The following LRP1B variants were observed in gnomAD, a reference collection of about 807,000 sequenced individuals.
The protein encoded by LRP1B is low-density lipoprotein receptor-related protein 1B.
LRP1B carries 217 observed loss-of-function variants against 556.6 expected under a neutral mutation model. The observed-to-expected ratio is 0.39, with a 90% CI of 0.35 to 0.44. The LOEUF is 0.44. Among genes scored for constraint, LRP1B ranks in the 20% least tolerant of loss-of-function variants. The pLI is 1.00. For synonymous variants in LRP1B, 2,047 were observed against 1,865.8 expected, an observed-to-expected ratio of 1.10 and a Z score of -2.50; for missense variants, 5,053 against 5,620.8, an observed-to-expected ratio of 0.90 and a Z score of 3.23.
chr2:140,992,695 G>T (rs1431567349), intron 16 of LRP1B: 1 of 152,064 alleles, frequency 6.6e-6, no homozygotes, highest in Non-Finnish European at 1.5e-5. Context: ...CTGATTGTGA[G>T]TCAAGAAGTG....
intron 41 of LRP1B, among the ~76,000 whole-genome samples, chr2:140,617,604 GA>G (rs1161841095): frequency 6.6e-6 from 1 of 151,890 alleles, no homozygotes; most frequent in African/African-American, 2.4e-5. Context: ...TAAAATTTCA[GA>G]TAAGGATAAA....
At chr2:140,355,464 A>G (rs1682167264) in intron 75 of LRP1B, among the ~76,000 whole-genome samples, 1 of 152,020 alleles carries the variant, frequency 6.6e-6, no homozygotes, top group Admixed American at 6.6e-5. Context: ...GTAGATAAAC[A>G]TGACGTGACT....
At chr2:140,473,212 G>A (rs749959791) in intron 60 of LRP1B, among the ~76,000 whole-genome samples, 10 of 151,878 alleles carry the variant, frequency 6.6e-5, no homozygotes, top group South Asian at 4.1e-4. Flanking sequence ...ATTGGCCTGC[G>A]CTCAGATATT....
At chr2:142,057,435 T>C (rs1165228272) in intron 1 of LRP1B, among the ~76,000 whole-genome samples, 2 of 151,968 alleles carry the variant, frequency 1.3e-5, no homozygotes, top group East Asian at 1.9e-4. Flanking sequence ...CAGGGTGAGG[T>C]TGTCAAATAT....
chr2:141,200,512 G>A (rs1192886561), intron 6 of LRP1B, among the ~76,000 whole-genome samples: 1 of 152,086 alleles, frequency 6.6e-6, no homozygotes, highest in African/African-American at 2.4e-5. Context: ...ATATAGTCAT[G>A]GCTTATGCTC....
At chr2:140,583,008 T>C (rs949253949) in intron 43 of LRP1B, among the ~76,000 whole-genome samples, 5 of 152,098 alleles carry the variant, frequency 3.3e-5, no homozygotes, top group Non-Finnish European at 7.4e-5. Context: ...TACTTTACCC[T>C]TCAATGAGCA....
chr2:142,103,777 G>T (rs542728472), intron 1 of LRP1B, among the ~76,000 whole-genome samples: 3 of 151,652 alleles, frequency 2.0e-5, no homozygotes, highest in Non-Finnish European at 3.0e-5. Context: ...ATCACAAAAT[G>T]CAATAAGGAC....
chr2:140,444,991 G>A (rs1357009431), intron 63 of LRP1B, among the ~76,000 whole-genome samples: 1 of 152,056 alleles, frequency 6.6e-6, no homozygotes, highest in Non-Finnish European at 1.5e-5. Context: ...GAGAGGTTAA[G>A]TTGCAGAATG....
intron 3 of LRP1B, among the ~76,000 whole-genome samples, chr2:141,436,627 T>G (rs1020239441): frequency 6.6e-6 from 1 of 152,206 alleles, no homozygotes; most frequent in African/African-American, 2.4e-5. Context: ...TATGTATTTT[T>G]TAATCCACTG....
chr2:140,635,725 C>G (rs1006507747), intron 41 of LRP1B, among the ~76,000 whole-genome samples: 1 of 152,074 alleles, frequency 6.6e-6, no homozygotes, highest in African/African-American at 2.4e-5. Context: ...GGGCTACTTA[C>G]TAGCCATGGC....
chr2:141,050,682 G>C (rs987188286), intron 10 of LRP1B, among the ~76,000 whole-genome samples: 7 of 152,062 alleles, frequency 4.6e-5, no homozygotes, highest in African/African-American at 1.7e-4. Context: ...AAAAATCCTA[G>C]AATAAAACCT....
chr2:141,914,440 G>A (rs1699981086), intron 1 of LRP1B, among the ~76,000 whole-genome samples: 1 of 152,146 alleles, frequency 6.6e-6, no homozygotes, highest in East Asian at 1.9e-4. Flanking sequence ...CAGATATAAA[G>A]ACATCAGGTG....
At chr2:140,990,457 G>A (rs538020336) in intron 16 of LRP1B, among the ~76,000 whole-genome samples, 1 of 151,780 alleles carries the variant, frequency 6.6e-6, no homozygotes, top group Admixed American at 6.6e-5. Context: ...AGTGTTTCTT[G>A]GGAATGGAAG....
intron 77 of LRP1B, among the ~76,000 whole-genome samples, chr2:140,337,783 TA>T (rs1325546781): frequency 1.3e-5 from 2 of 151,882 alleles, no homozygotes; most frequent in Non-Finnish European, 2.9e-5. Context: ...GTATCCCTGG[TA>T]AAATATGTCA....
At chr2:141,688,549 A>G (rs759633203) in intron 2 of LRP1B, among the ~76,000 whole-genome samples, 1 of 151,896 alleles carries the variant, frequency 6.6e-6, no homozygotes, top group Admixed American at 6.6e-5. Flanking sequence ...TTTAAATCTC[A>G]TAATAATGAT....
At chr2:140,472,983 A>G (rs1359906812) in intron 60 of LRP1B, among the ~76,000 whole-genome samples, 1 of 152,112 alleles carries the variant, frequency 6.6e-6, no homozygotes, top group Non-Finnish European at 1.5e-5. Flanking sequence ...GTGATGAAGT[A>G]ACACAAAAGT....
intron 1 of LRP1B, among the ~76,000 whole-genome samples, chr2:142,090,843 C>T (rs186430065): frequency 9.7e-4 from 148 of 152,118 alleles, no homozygotes; most frequent in African/African-American, 3.3e-3. Flanking sequence ...CAGTTATGTG[C>T]AAAATGCACT....
At chr2:140,805,274 G>A (rs1470273210) in intron 32 of LRP1B, among the ~76,000 whole-genome samples, 2 of 152,268 alleles carry the variant, frequency 1.3e-5, no homozygotes, top group African/African-American at 2.4e-5. Flanking sequence ...TATTAAAATT[G>A]TGATAAATAG....
chr2:141,186,581 A>G (rs1421034718), intron 7 of LRP1B, among the ~76,000 whole-genome samples: 1 of 152,078 alleles, frequency 6.6e-6, no homozygotes, highest in African/African-American at 2.4e-5. Context: ...AAACAGTGCT[A>G]TAGAGACAGA....
Sources: gnomAD v4.1 joint callset for allele counts (sites outside exome capture counted in the v4.1 genomes callset) on GRCh38, gnomAD v4.1.1 for gene constraint, MANE v1.5 for transcripts, NCBI Gene and HGNC (gene_info 2026-07-23, HGNC 2026-07-21) for gene names.